LRRC4C: variants seen among roughly 807,000 people sequenced by gnomAD.
The protein encoded by LRRC4C is leucine rich repeat containing 4C, also known as leucine-rich repeat-containing protein 4C.
LRRC4C carries 5 observed loss-of-function variants against 33.6 expected under a neutral mutation model. The observed-to-expected ratio is 0.15, with a 90% CI of 0.08 to 0.31. The LOEUF (loss-of-function observed/expected upper bound fraction) is 0.31, where lower values mean the gene tolerates loss of function less well. Ranked by LOEUF, LRRC4C falls within the 10% of genes least tolerant of loss-of-function variation. LRRC4C has a pLI of 1.00. For missense variants in LRRC4C, 560 were observed against 796.7 expected (o/e 0.70, Z 3.58); for synonymous variants, 329 against 302.0 (o/e 1.09, Z -0.93).
intron 2 of LRRC4C, among the ~76,000 whole-genome samples, chr11:40,655,454 T>G (rs953739475): frequency 6.6e-6 from 1 of 152,220 alleles, no homozygotes; most frequent in African/African-American, 2.4e-5. Flanking sequence ...ATGCTATTAT[T>G]AAGTCTATGG....
At chr11:40,963,340 G>A (rs1470355579) in intron 1 of LRRC4C, among the ~76,000 whole-genome samples, 4 of 151,720 alleles carry the variant, frequency 2.6e-5, no homozygotes. Flanking sequence ...TATGTACTGA[G>A]CTTTGGCTAC....
chr11:40,732,387 T>C (rs1457330023), intron 2 of LRRC4C, among the ~76,000 whole-genome samples: 2 of 152,224 alleles, frequency 1.3e-5, no homozygotes, highest in Non-Finnish European at 2.9e-5. Flanking sequence ...CGTAATTTTC[T>C]TGCTGAATGA....
intron 3 of LRRC4C, among the ~76,000 whole-genome samples, chr11:40,437,672 G>T (rs1951201341): frequency 6.6e-6 from 1 of 151,564 alleles, no homozygotes; most frequent in African/African-American, 2.4e-5. Flanking sequence ...GGGATTACAG[G>T]TGTGAGCCAC....
chr11:40,902,946 G>A lies in LRRC4C; in HGVS notation c.-407+30689C>T, dbSNP rs185935122. Reference sequence around the variant, plus strand: ...AAGTAGAAACTGCAGCAAGTTACCCGGAAGATCTAGTTAAGATCATTAATG... The same window carrying A: ...AAGTAGAAACTGCAGCAAGTTACCCAGAAGATCTAGTTAAGATCATTAATG... On this transcript the variant is annotated intron_variant, in intron 2 of 6. Transcript: ENST00000528697. Among the ~76,000 whole-genome samples, 45 of 152,204 alleles carry A rather than the reference G, an allele frequency of 3.0e-4. No individual in the cohort carries two copies. In the East Asian group the frequency reaches 7.0e-3, roughly 24 times the overall value.
At chr11:41,345,188 T>C (rs960001391) in intron 1 of LRRC4C, among the ~76,000 whole-genome samples, 2 of 152,194 alleles carry the variant, frequency 1.3e-5, no homozygotes, top group African/African-American at 2.4e-5. Context: ...TCTTTTTAAC[T>C]AAATTTTGGA....
chr11:41,070,290 G>A lies in LRRC4C; in HGVS notation c.-495-136567C>T, dbSNP rs567016024. 2.6e-5 allele frequency among the ~76,000 whole-genome samples: 4 copies of A among 152,110 alleles called. No homozygotes were observed. The South Asian group carries it at 8.3e-4, about 32-fold the overall frequency. ...CTCAAGATGGATTAACAACTTAAAT[G>A]CAAAACCCCAAATCATAAAAACCCT... On this transcript the variant is annotated intron_variant, in intron 1 of 6. Transcript: ENST00000528697.
intron 3 of LRRC4C, among the ~76,000 whole-genome samples, chr11:40,374,142 A>T (rs1313693696): frequency 3.3e-5 from 5 of 152,218 alleles, no homozygotes; most frequent in African/African-American, 1.2e-4. Flanking sequence ...TACTGGGGGA[A>T]ACGAAAATCA....
At chr11:40,197,268 C>T (rs1309456276) in intron 5 of LRRC4C, among the ~76,000 whole-genome samples, 1 of 152,124 alleles carries the variant, frequency 6.6e-6, no homozygotes, top group Admixed American at 6.6e-5. Flanking sequence ...GATTAGCCTC[C>T]TTCATTTACC....
At chr11:40,667,147 C>T (rs1316486464) in intron 2 of LRRC4C, among the ~76,000 whole-genome samples, 1 of 152,098 alleles carries the variant, frequency 6.6e-6, no homozygotes, top group Non-Finnish European at 1.5e-5. Flanking sequence ...GCTAAAGACT[C>T]ATTGTAAATT....
intron 1 of LRRC4C, among the ~76,000 whole-genome samples, chr11:41,242,839 T>C (rs2136564748): frequency 6.6e-6 from 1 of 152,322 alleles, no homozygotes; most frequent in Admixed American, 6.5e-5. Flanking sequence ...TATCATATGC[T>C]ATCCTGGGTA....
chr11:41,130,402 G>A (rs1260660995), intron 1 of LRRC4C, among the ~76,000 whole-genome samples: 1 of 151,854 alleles, frequency 6.6e-6, no homozygotes, highest in Non-Finnish European at 1.5e-5. Flanking sequence ...AAGACTGACA[G>A]CTTGTTGATG....
intron 3 of LRRC4C, among the ~76,000 whole-genome samples, chr11:40,511,240 T>A (rs1042351200): frequency 6.6e-6 from 1 of 152,098 alleles, no homozygotes; most frequent in Non-Finnish European, 1.5e-5. Context: ...ATACTGAAAG[T>A]GACAGAAACA....
At chr11:41,443,076 T>TTTG (rs1955692635) in intron 1 of LRRC4C, among the ~76,000 whole-genome samples, 1 of 145,806 alleles carries the variant, frequency 6.9e-6, no homozygotes, top group Non-Finnish European at 1.5e-5. Flanking sequence ...TTATTTATTT[T>TTTG]TATGTTTGCT....
chr11:40,327,873 A>C (rs567500078), intron 3 of LRRC4C, among the ~76,000 whole-genome samples: 1 of 152,170 alleles, frequency 6.6e-6, no homozygotes, highest in South Asian at 2.1e-4. Flanking sequence ...TTGACCTATA[A>C]AAACTTTACA....
chr11:41,234,406 G>A (rs372168704), intron 1 of LRRC4C, among the ~76,000 whole-genome samples: 13 of 151,606 alleles, frequency 8.6e-5, no homozygotes, highest in East Asian at 5.8e-4. Flanking sequence ...TATTCTCTTA[G>A]CAATGTTCAG....
At chr11:40,422,385 A>C (rs2137754818) in intron 3 of LRRC4C, among the ~76,000 whole-genome samples, 1 of 152,272 alleles carries the variant, frequency 6.6e-6, no homozygotes, top group South Asian at 2.1e-4. Context: ...TAAAAAGTGG[A>C]GTTTTTTTAT....
chr11:41,301,595 A>G (rs1464795772), intron 1 of LRRC4C, among the ~76,000 whole-genome samples: 1 of 152,000 alleles, frequency 6.6e-6, no homozygotes, highest in Non-Finnish European at 1.5e-5. Context: ...ATGTAAAGAA[A>G]CTCCAAGAAA....
In LRRC4C at chr11:40,931,637, G is replaced by A. The variant is rs949816677; in HGVS notation, c.-407+1998C>T. 2.0e-5 allele frequency among the ~76,000 whole-genome samples: 3 copies of A among 151,826 alleles called. No homozygotes were observed. The Admixed American group carries it at 2.0e-4, about 10-fold the overall frequency. On this transcript the variant is annotated intron_variant, in intron 2 of 6. Coordinates refer to ENST00000528697, the MANE Select transcript of LRRC4C (RefSeq NM_001258419.2). ...ATAAGTTTGATCATAATGCACTAAAGTAGCCAAGGATAAAGGGGTGTGTAT... is the reference window on the plus strand; with the variant it reads ...ATAAGTTTGATCATAATGCACTAAAATAGCCAAGGATAAAGGGGTGTGTAT...
chr11:41,183,893 A>C (rs765161720), intron 1 of LRRC4C, among the ~76,000 whole-genome samples: 4 of 152,074 alleles, frequency 2.6e-5, no homozygotes, highest in Non-Finnish European at 5.9e-5. Flanking sequence ...AGGTTCCCAA[A>C]CCTCAATTCT....
Sources: gnomAD v4.1 joint callset for allele counts (sites outside exome capture counted in the v4.1 genomes callset) on GRCh38, gnomAD v4.1.1 for gene constraint, MANE v1.5 for transcripts, NCBI Gene and HGNC (gene_info 2026-07-23, HGNC 2026-07-21) for gene names.